Variants in ZC3H12A observed in about 807,000 individuals in gnomAD.
ZC3H12A encodes endoribonuclease ZC3H12A.
A neutral mutation model predicts 29.9 loss-of-function variants in ZC3H12A; 9 were observed. The observed-to-expected ratio is 0.30, with a 90% CI of 0.18 to 0.53. The LOEUF (loss-of-function observed/expected upper bound fraction) is 0.53, where lower values mean the gene tolerates loss of function less well. Ranked by LOEUF, ZC3H12A falls within the 20% of genes least tolerant of loss-of-function variation. The pLI, the probability that ZC3H12A is intolerant of heterozygous loss-of-function variation, is 0.96. For missense variants in ZC3H12A, 617 were observed against 799.0 expected, an observed-to-expected ratio of 0.77 and a Z score of 2.75; for synonymous variants, 323 against 338.1, an observed-to-expected ratio of 0.96 and a Z score of 0.49.
At chr1:37,477,332 A>T (rs1641610662) in intron 2 of ZC3H12A, among the ~76,000 whole-genome samples, 1 of 152,052 alleles carries the variant, frequency 6.6e-6, no homozygotes, top group South Asian at 2.1e-4. Flanking sequence ...ACATGGGAGG[A>T]GGGGCTGTGA....
chr1:37,479,394 C>T lies in ZC3H12A; in HGVS notation c.444-896C>T, dbSNP rs1557593757. On this transcript the variant is annotated intron_variant, in intron 2 of 5. Coordinates refer to ENST00000373087, the MANE Select transcript of ZC3H12A (RefSeq NM_025079.3). This position sits in a 1 kb window ranked among gnomAD's most constrained non-coding sequence, Gnocchi z 4.5. The stretch of plus-strand genomic sequence containing the variant: ...CAGATAGAGGAACGGAGAGCTGCGG[C>T]AGCCCAGGAGCCCTGCCAGGCTTCC... 1.0e-6 allele frequency: 1 copy of T among 985,452 alleles called. No homozygotes were observed. The highest frequency in any genetic ancestry group is 1.2e-6 in the Non-Finnish European group (1 of 829,934). 61.0% of individuals were successfully genotyped at this position (985,452 alleles called of 1,614,324 possible).
Position 37,483,285 on chromosome 1 carries a change from G to T in ZC3H12A, c.1474G>T (p.Gly492Cys). The change falls in exon 6 of 6, where the codon GGT becomes TGT. Residue 492 changes from glycine to cysteine, a missense_variant. This residue lies in a region of ZC3H12A where 172 missense variants were observed against 203.1 expected (regional missense o/e 0.85). Coordinates refer to ENST00000373087, the MANE Select transcript of ZC3H12A (RefSeq NM_025079.3). Reference protein sequence around the residue: ...AAFSAFGRAMGAGHFSVPADY... With the variant: ...AAFSAFGRAMCAGHFSVPADY... Reference sequence around the variant, plus strand: ...CTTCTCTGCCTTTGGCCGGGCCATGGGTGCTGGCCACTTCAGTGTCCCTGC... The same window carrying T: ...CTTCTCTGCCTTTGGCCGGGCCATGTGTGCTGGCCACTTCAGTGTCCCTGC... 1 of 1,614,030 alleles carries T rather than the reference G, an allele frequency of 6.2e-7. No individual in the cohort carries two copies. The highest frequency in any genetic ancestry group is 1.7e-5 in the Admixed American group (1 of 60,022).
At position 37,479,229 on chromosome 1, in the gene ZC3H12A, C is replaced by G; in HGVS notation, c.444-1061C>G. Reference sequence around the variant, plus strand: ...TGACACCTAGTGTTACCTGGGAGCCCCAAGCCCCAGTCCCCCATCCCTCAG... The same window carrying G: ...TGACACCTAGTGTTACCTGGGAGCCGCAAGCCCCAGTCCCCCATCCCTCAG... On this transcript the variant is annotated intron_variant, in intron 2 of 5. Coordinates refer to ENST00000373087, the MANE Select transcript of ZC3H12A (RefSeq NM_025079.3). This position sits in a 1 kb window ranked among gnomAD's most constrained non-coding sequence, Gnocchi z 4.5. The G allele has an allele frequency of 1.0e-6, 1 of 985,422 alleles. No homozygotes were observed. Among genetic ancestry groups the G allele is most frequent in the Non-Finnish European group, 1.2e-6 (1 of 829,930 alleles). 61.0% of individuals were successfully genotyped at this position (985,422 alleles called of 1,614,324 possible).
At chr1:37,480,568 C>T (rs906789138) in intron 3 of ZC3H12A, 139 bp downstream of exon 3, 36 of 1,214,648 alleles carry the variant, frequency 3.0e-5, no homozygotes, top group Non-Finnish European at 3.7e-5. Flanking sequence ...TTTTTTCTGT[C>T]CTTAGCAACC....
intron 4 of ZC3H12A, among the ~76,000 whole-genome samples, 198 bp downstream of exon 4, chr1:37,482,033 G>T (rs908809957): frequency 1.3e-5 from 2 of 152,230 alleles, no homozygotes; most frequent in Admixed American, 1.3e-4. Flanking sequence ...GACCAGGCAG[G>T]CTGTGGGGTG....
Position 37,483,171 on chromosome 1 carries a change from C to CGAG in ZC3H12A, c.1368_1370dup (p.Gly457dup), listed in dbSNP as rs1364082307. 2.5e-6 allele frequency: 4 copies of CGAG among 1,613,438 alleles called. No homozygotes were observed. The highest frequency in any genetic ancestry group is 1.7e-4 in the Middle Eastern group (1 of 6,058). ...CCAGATGTCGGAACTTTGGGGGGTT[C>CGAG]GAGGAGGAGGCCCTGGTGAGCCGGG... On this transcript the variant is annotated inframe_insertion, in exon 6 of 6. Coordinates refer to ENST00000373087, the MANE Select transcript of ZC3H12A (RefSeq NM_025079.3).
chr1:37,479,902 G>C lies in ZC3H12A; in HGVS notation c.444-388G>C, dbSNP rs967874068. ...GGGTGGGGCAGGAACCAGAAGTCTC[G>C]CGGCACCTTTCCCCCACCCCCAGGT... On this transcript the variant is annotated intron_variant, in intron 2 of 5. Transcript: ENST00000373087. The surrounding 1 kb of genome is among the most constrained non-coding windows in gnomAD (Gnocchi z 4.5). 7.9e-6 allele frequency: 8 copies of C among 1,011,484 alleles called. No homozygotes were observed. The highest frequency in any genetic ancestry group is 5.5e-5 in the Admixed American group (1 of 18,244). The allele number at this position is 1,011,484 out of a possible 1,614,324, so 62.7% of individuals were successfully genotyped here. A position where few individuals can be genotyped will look rare whatever the true frequency, so the allele number is the denominator to read the frequency against.
intron 4 of ZC3H12A, 76 bp downstream of exon 4, chr1:37,481,911 G>A: frequency 2.7e-6 from 4 of 1,464,556 alleles, no homozygotes; most frequent in East Asian, 4.9e-5. Flanking sequence ...CAAGGGTGGA[G>A]CTGGGGGCTG....
chr1:37,478,768 C>CA lies in ZC3H12A; in HGVS notation c.444-1522_444-1521insA. 1 of 877,850 alleles carries CA rather than the reference C, an allele frequency of 1.1e-6. No homozygotes were observed. Among genetic ancestry groups the CA allele is most frequent in the Non-Finnish European group, 1.4e-6 (1 of 731,642 alleles). The allele number at this position is 877,850 out of a possible 1,614,324, so 54.4% of individuals were successfully genotyped here. On this transcript the variant is annotated intron_variant, in intron 2 of 5. Coordinates refer to ENST00000373087, the MANE Select transcript of ZC3H12A (RefSeq NM_025079.3). This position sits in a 1 kb window ranked among gnomAD's most constrained non-coding sequence, Gnocchi z 5.2. The stretch of plus-strand genomic sequence containing the variant: ...GGAGTTGATGATGGTATAGTGCCCT[C>CA]CTCACAAGCTTGCTGATGATTCAGT...
Position 37,476,340 on chromosome 1 carries a change from C to T in ZC3H12A, c.443+401C>T, listed in dbSNP as rs550234546. Among the ~76,000 whole-genome samples, 6 of 152,266 alleles carry T rather than the reference C, an allele frequency of 3.9e-5. No homozygotes were observed. Among genetic ancestry groups the T allele is most frequent in the African/African-American group, 9.6e-5 (4 of 41,556 alleles). ...TGTGCGGATCCCGGAGAGGAGCAAG[C>T]GTTCAGGAACCATAGTAGTGGTAGT... is the stretch of plus-strand genomic sequence containing the variant. On this transcript the variant is annotated intron_variant, in intron 2 of 5. Transcript: ENST00000373087. This position sits in a 1 kb window ranked among gnomAD's most constrained non-coding sequence, Gnocchi z 6.0.
chr1:37,475,772 C>T lies in ZC3H12A; in HGVS notation c.276C>T (p.Thr92=), dbSNP rs200950368. The stretch of plus-strand genomic sequence containing the variant: ...AGCTGGTGAAACACGGGACAGCCAC[C>T]GAGCGGGAGCGCCAGACCTCACCGG... ...LGELVKHGTA[T]ERERQTSPDP... is the part of the protein sequence containing the mutation. Residue 92 remains threonine, a synonymous_variant, in exon 2 of 6, where the codon ACC becomes ACT. Transcript: ENST00000373087. This position sits in a 1 kb window ranked among gnomAD's most constrained non-coding sequence, Gnocchi z 5.2. 1.3e-5 allele frequency: 21 copies of T among 1,613,542 alleles called. No individual in the cohort carries two copies. Among genetic ancestry groups the T allele is most frequent in the East Asian group, 8.9e-5 (4 of 44,886 alleles).
At position 37,480,298 on chromosome 1, in the gene ZC3H12A, A is replaced by T. The variant is rs1411401218; in HGVS notation, c.452A>T (p.Asn151Ile). ...DGSNVAMSHGNKEVFSCRGIL... is the reference protein window; with the variant it reads ...DGSNVAMSHGIKEVFSCRGIL... ...TGTCCTCTCCCTCCCAGCCATGGGA[A>T]CAAGGAGGTCTTCTCCTGCCGGGGC... The change falls in exon 3 of 6, where the codon AAC becomes ATC. Residue 151 changes from asparagine to isoleucine, a missense_variant. Physicochemically the swap from Asn to Ile is moderately radical, Grantham distance 149 (BLOSUM62 -3). Around this residue, in one of 5 missense-constraint regions of ZC3H12A, gnomAD observed 255 missense variants for 402.5 expected, o/e 0.63. Transcript: ENST00000373087. The T allele has an allele frequency of 6.2e-7, 1 of 1,613,354 alleles. No individual in the cohort carries two copies. Among genetic ancestry groups the T allele is most frequent in the South Asian group, 1.1e-5 (1 of 91,018 alleles).
Position 37,482,921 on chromosome 1 carries a change from G to A in ZC3H12A, c.1110G>A (p.Glu370=), listed in dbSNP as rs150553516. 1 of 1,613,736 alleles carries A rather than the reference G, an allele frequency of 6.2e-7. No individual in the cohort carries two copies. Among genetic ancestry groups the A allele is most frequent in the Non-Finnish European group, 8.5e-7 (1 of 1,180,042 alleles). Residue 370 remains glutamate, a synonymous_variant, in exon 6 of 6, where the codon GAG becomes GAA. Transcript: ENST00000373087. Reference sequence around the variant, plus strand: ...CCCAGTCCAGCTCTCTGCTAACAGAGAGTGAGCAGTGCAGCCTGGATGGGA... The same window carrying A: ...CCCAGTCCAGCTCTCTGCTAACAGAAAGTGAGCAGTGCAGCCTGGATGGGA... The part of the protein sequence containing the change: ...PSSQSSSLLT[E]SEQCSLDGKK...
In ZC3H12A at chr1:37,479,467, A is replaced by G. The variant is rs573016049; in HGVS notation, c.444-823A>G. 27 of 985,424 alleles carry G rather than the reference A, an allele frequency of 2.7e-5. No homozygotes were observed. The highest frequency in any genetic ancestry group is 6.1e-5 in the Admixed American group (1 of 16,290). 61.0% of individuals were successfully genotyped at this position (985,424 alleles called of 1,614,324 possible). A position where few individuals can be genotyped will look rare whatever the true frequency, so the allele number is the denominator to read the frequency against. On this transcript the variant is annotated intron_variant, in intron 2 of 5. Coordinates refer to ENST00000373087, the MANE Select transcript of ZC3H12A (RefSeq NM_025079.3). This position sits in a 1 kb window ranked among gnomAD's most constrained non-coding sequence, Gnocchi z 4.5. Reference sequence around the variant, plus strand: ...GTGGGGCGCGGCCTCGTCTGAGACCAAGGCAGGGCCCATGCCTTACTCAGC... The same window carrying G: ...GTGGGGCGCGGCCTCGTCTGAGACCGAGGCAGGGCCCATGCCTTACTCAGC...
At position 37,483,182 on chromosome 1, in the gene ZC3H12A, C is replaced by T. The variant is rs1257110451; in HGVS notation, c.1371C>T (p.Gly457=). 11 of 1,613,308 alleles carry T rather than the reference C, an allele frequency of 6.8e-6. No homozygotes were observed. The highest frequency in any genetic ancestry group is 8.5e-6 in the Non-Finnish European group (10 of 1,179,906). Reference sequence around the variant, plus strand: ...AACTTTGGGGGGTTCGAGGAGGAGGCCCTGGTGAGCCGGGCCCACCCCGAG... The same window carrying T: ...AACTTTGGGGGGTTCGAGGAGGAGGTCCTGGTGAGCCGGGCCCACCCCGAG... ...MSELWGVRGG[G]PGEPGPPRAP... is the part of the protein sequence containing the mutation. Residue 457 remains glycine (G), a synonymous_variant, in exon 6 of 6, where the codon GGC becomes GGT. Transcript: ENST00000373087.
In ZC3H12A at chr1:37,483,566, G is replaced by A. The variant is rs780585851; in HGVS notation, c.1755G>A (p.Leu585=). 3 of 1,612,734 alleles carry A rather than the reference G, an allele frequency of 1.9e-6. No homozygotes were observed. In the South Asian group the frequency reaches 3.3e-5, roughly 18 times the overall value. ...RFPQLLDPQQ[L]AAEILSYKSQ... is the part of the protein sequence containing the mutation. The stretch of plus-strand genomic sequence containing the variant: ...CACAGCTCCTGGACCCCCAGCAGCT[G>A]GCTGCCGAGATCCTCTCCTACAAGT... Residue 585 remains leucine (L), a synonymous_variant, in exon 6 of 6, where the codon CTG becomes CTA. Coordinates refer to ENST00000373087, the MANE Select transcript of ZC3H12A (RefSeq NM_025079.3).
chr1:37,480,897 T>C (rs1011060747), intron 3 of ZC3H12A, among the ~76,000 whole-genome samples: 17 of 152,232 alleles, frequency 1.1e-4, no homozygotes, highest in Non-Finnish European at 2.2e-4. Context: ...TGAGGTCATA[T>C]AAGTTAACAC....
chr1:37,483,284 G>A lies in ZC3H12A; in HGVS notation c.1473G>A (p.Met491Ile), dbSNP rs1368030929. 1.2e-6 allele frequency: 2 copies of A among 1,614,048 alleles called. No homozygotes were observed. The highest frequency in any genetic ancestry group is 1.7e-6 in the Non-Finnish European group (2 of 1,180,002). Residue 491 changes from methionine to isoleucine, a missense_variant, in exon 6 of 6, where the codon ATG becomes ATA. This residue lies in a region of ZC3H12A where 172 missense variants were observed against 203.1 expected (regional missense o/e 0.85). Transcript: ENST00000373087. ...TAAFSAFGRA[M>I]GAGHFSVPAD... ...CCTTCTCTGCCTTTGGCCGGGCCATGGGTGCTGGCCACTTCAGTGTCCCTG... is the reference window on the plus strand; with the variant it reads ...CCTTCTCTGCCTTTGGCCGGGCCATAGGTGCTGGCCACTTCAGTGTCCCTG...
In ZC3H12A at chr1:37,478,870, T is replaced by G; in HGVS notation, c.444-1420T>G. 1.0e-6 allele frequency: 1 copy of G among 985,382 alleles called. No individual in the cohort carries two copies. The highest frequency in any genetic ancestry group is 1.2e-6 in the Non-Finnish European group (1 of 829,914). The allele number at this position is 985,382 out of a possible 1,614,324, so 61.0% of individuals were successfully genotyped here. A position where few individuals can be genotyped will look rare whatever the true frequency, so the allele number is the denominator to read the frequency against. On this transcript the variant is annotated intron_variant, in intron 2 of 5. Coordinates refer to ENST00000373087, the MANE Select transcript of ZC3H12A (RefSeq NM_025079.3). This position sits in a 1 kb window ranked among gnomAD's most constrained non-coding sequence, Gnocchi z 5.2. Reference sequence around the variant, plus strand: ...TTTATTATAAGCAGGCTGGCAGATGTGGCAGAGGGACCGGGAAGGATGAGT... The same window carrying G: ...TTTATTATAAGCAGGCTGGCAGATGGGGCAGAGGGACCGGGAAGGATGAGT...
Sources: allele counts gnomAD v4.1 joint callset (sites outside exome capture counted in the v4.1 genomes callset), GRCh38; gene constraint gnomAD v4.1.1; regional missense constraint gnomAD v4.1.1; non-coding constraint Gnocchi (gnomAD v3.1); transcripts MANE v1.5; gene names NCBI Gene and HGNC (gene_info 2026-07-23, HGNC 2026-07-21).